MARCHF1: variants seen among roughly 807,000 people sequenced by gnomAD.
MARCHF1 encodes the protein membrane associated ring-CH-type finger 1.
A neutral mutation model predicts 54.2 loss-of-function variants in MARCHF1; 40 were observed. That is an observed-to-expected ratio of 0.74 (90% CI 0.57 to 0.96). The LOEUF (loss-of-function observed/expected upper bound fraction) is 0.96. Among genes scored for constraint, MARCHF1 ranks in the 40% least tolerant of loss-of-function variants. The pLI is 0.00. For missense variants in MARCHF1, 586 were observed against 656.5 expected, an observed-to-expected ratio of 0.89 and a Z score of 1.17; for synonymous variants, 236 against 236.3, an observed-to-expected ratio of 1.00 and a Z score of 0.01.
intron 4 of MARCHF1, among the ~76,000 whole-genome samples, chr4:163,711,400 G>A (rs578235516): frequency 1.8e-4 from 27 of 152,204 alleles, no homozygotes; most frequent in African/African-American, 5.5e-4. Context: ...TGTGCTAGGT[G>A]TATCTTCCAC....
chr4:163,614,609 A>G (rs1741453619), intron 5 of MARCHF1, among the ~76,000 whole-genome samples: 1 of 152,138 alleles, frequency 6.6e-6, no homozygotes, highest in Non-Finnish European at 1.5e-5. Context: ...AAAAGGAACA[A>G]ATTCTAACTC....
intron 1 of MARCHF1, among the ~76,000 whole-genome samples, chr4:164,281,178 G>A (rs1734016754): frequency 1.3e-5 from 2 of 152,254 alleles, no homozygotes; most frequent in African/African-American, 2.4e-5. Flanking sequence ...GCATAGAATA[G>A]TGTGATCATT....
intron 1 of MARCHF1, among the ~76,000 whole-genome samples, chr4:164,329,399 A>G (rs1211385504): frequency 6.6e-6 from 1 of 152,196 alleles, no homozygotes; most frequent in Non-Finnish European, 1.5e-5. Flanking sequence ...ATAAAGAAAA[A>G]AGGAAGAAAG....
chr4:164,181,586 T>C (rs988547167), intron 1 of MARCHF1, among the ~76,000 whole-genome samples: 1 of 152,188 alleles, frequency 6.6e-6, no homozygotes, highest in African/African-American at 2.4e-5. Context: ...TTCCAAGTTA[T>C]TTATTTCCAT....
At position 163,876,573 on chromosome 4, in the gene MARCHF1, A is replaced by T. The variant is rs75107766; in HGVS notation, c.-38-22404T>A. ...TAAATTTTCCATACAAATAATGCTC[A>T]CAGGGCAGTTTAAAGTATTCTTATG... is the stretch of plus-strand genomic sequence containing the variant. On this transcript the variant is annotated intron_variant, in intron 3 of 9. Transcript: ENST00000514618. Among the ~76,000 whole-genome samples the T allele has an allele frequency of 1.9e-3, 285 of 152,250 alleles. 3 individuals are homozygous for T. Among genetic ancestry groups the T allele is most frequent in the African/African-American group, 6.8e-3 (283 of 41,578 alleles).
intron 1 of MARCHF1, among the ~76,000 whole-genome samples, chr4:164,241,156 C>G (rs946565176): frequency 6.6e-6 from 1 of 152,102 alleles, no homozygotes; most frequent in African/African-American, 2.4e-5. Flanking sequence ...CCCTGTGACC[C>G]CCTCACCCAG....
intron 4 of MARCHF1, among the ~76,000 whole-genome samples, chr4:163,848,205 T>C (rs1437028477): frequency 6.6e-6 from 1 of 152,176 alleles, no homozygotes; most frequent in Non-Finnish European, 1.5e-5. Flanking sequence ...TCTTATCTAG[T>C]TTCTCCTCTT....
intron 1 of MARCHF1, among the ~76,000 whole-genome samples, chr4:164,143,339 T>C (rs1437043283): frequency 7.0e-6 from 1 of 143,010 alleles, no homozygotes; most frequent in African/African-American, 2.6e-5. Flanking sequence ...AAGATACTCC[T>C]CGAGAAGAGC....
At chr4:163,590,959 A>T (rs13116247) in intron 7 of MARCHF1, among the ~76,000 whole-genome samples, 66 of 151,552 alleles carry the variant, frequency 4.4e-4, no homozygotes, top group African/African-American at 1.4e-3. Flanking sequence ...CTGTGTTTCA[A>T]GTTCATCATC....
At chr4:164,032,079 A>T (rs1753888894) in intron 2 of MARCHF1, among the ~76,000 whole-genome samples, 1 of 152,086 alleles carries the variant, frequency 6.6e-6, no homozygotes, top group African/African-American at 2.4e-5. Context: ...ATGTGTCCAG[A>T]AATTTATCCA....
chr4:164,230,135 C>T (rs1316797408), intron 1 of MARCHF1, among the ~76,000 whole-genome samples: 1 of 152,130 alleles, frequency 6.6e-6, no homozygotes, highest in African/African-American at 2.4e-5. Context: ...GTGCCTCATG[C>T]CTGTAATCCC....
chr4:163,554,238 G>T (rs906460416), intron 8 of MARCHF1, among the ~76,000 whole-genome samples: 2 of 152,206 alleles, frequency 1.3e-5, no homozygotes, highest in African/African-American at 2.4e-5. Context: ...GTACTGATAT[G>T]CTTGTCACGT....
intron 1 of MARCHF1, among the ~76,000 whole-genome samples, chr4:164,310,052 T>A (rs868306741): frequency 1.3e-5 from 2 of 151,910 alleles, no homozygotes; most frequent in South Asian, 4.1e-4. Context: ...TACATGAGAT[T>A]TTTTAATTCT....
At chr4:164,304,185 T>C (rs1197598866) in intron 1 of MARCHF1, among the ~76,000 whole-genome samples, 2 of 152,200 alleles carry the variant, frequency 1.3e-5, no homozygotes, top group Admixed American at 6.5e-5. Flanking sequence ...GTTACATGAT[T>C]AGCTATAACC....
intron 2 of MARCHF1, among the ~76,000 whole-genome samples, chr4:164,069,401 T>C (rs2111086962): frequency 6.6e-6 from 1 of 152,332 alleles, no homozygotes; most frequent in East Asian, 1.9e-4. Context: ...CAATAAATCT[T>C]GCTGCTACCC....
rs936910117 is a variant in MARCHF1 at position 163,955,703 on chromosome 4, G to A, written c.-39+32798C>T. Among the ~76,000 whole-genome samples, 22 of 152,226 alleles carry A rather than the reference G, an allele frequency of 1.4e-4. No homozygotes were observed. The South Asian group carries it at 4.4e-3, about 30-fold the overall frequency. On this transcript the variant is annotated intron_variant, in intron 3 of 9. Transcript: ENST00000514618. ...AATCCTGTTACAGCACTTATGTCAT[G>A]GCTGAAATTCTTCGCTTGCAATAGA... is the stretch of plus-strand genomic sequence containing the variant.
At chr4:163,921,029 A>T (rs12640506) in intron 3 of MARCHF1, among the ~76,000 whole-genome samples, 34,602 of 152,104 alleles carry the variant, frequency 0.23, 4,979 homozygotes, top group African/African-American at 0.41. Flanking sequence ...TTTGAGAGAT[A>T]TAGCAGGTTC....
intron 2 of MARCHF1, among the ~76,000 whole-genome samples, chr4:164,064,560 T>C (rs965465624): frequency 3.3e-5 from 5 of 152,230 alleles, no homozygotes; most frequent in African/African-American, 4.8e-5. Context: ...GCTTAGATAA[T>C]GGGATTTTCT....
At chr4:164,176,980 C>CTCTCTCTATATATATA (rs1466683245) in intron 1 of MARCHF1, among the ~76,000 whole-genome samples, 7 of 58,904 alleles carry the variant, frequency 1.2e-4, no homozygotes, top group African/African-American at 5.1e-4. Context: ...CTCTCTCTCT[C>CTCTCTCTATATATATA]TATATATATA....
Sources: allele counts gnomAD v4.1 joint callset (sites outside exome capture counted in the v4.1 genomes callset), GRCh38; gene constraint gnomAD v4.1.1; transcripts MANE v1.5; gene names NCBI Gene and HGNC (gene_info 2026-07-23, HGNC 2026-07-21).